ADGRV1: variants seen among roughly 807,000 people sequenced by gnomAD.
ADGRV1 encodes adhesion G protein-coupled receptor V1.
In ADGRV1, 359 loss-of-function variants were observed where a neutral mutation model predicts 596.2. That is an observed-to-expected ratio of 0.60 (90% CI 0.55 to 0.66). The LOEUF is 0.66. Among genes scored for constraint, ADGRV1 ranks in the 30% least tolerant of loss-of-function variants. The pLI is 0.00. For synonymous variants in ADGRV1, 2,681 were observed against 2,679.2 expected (o/e 1.00, Z -0.02); for missense variants, 7,274 against 7,575.6 (o/e 0.96, Z 1.48).
intron 21 of ADGRV1, among the ~76,000 whole-genome samples, chr5:90,659,857 C>A (rs1393526867): frequency 6.6e-6 from 1 of 151,868 alleles, no homozygotes; most frequent in Non-Finnish European, 1.5e-5. Context: ...ATGGTGAAAC[C>A]CCGTCTCTAC....
At chr5:90,937,267 G>A (rs1478541078) in intron 83 of ADGRV1, among the ~76,000 whole-genome samples, 1 of 151,622 alleles carries the variant, frequency 6.6e-6, no homozygotes, top group Non-Finnish European at 1.5e-5. Context: ...TCCTTCATTC[G>A]CTTTTTCTGG....
chr5:90,718,062 T>C (rs976739626), intron 43 of ADGRV1: 1 of 152,248 alleles, frequency 6.6e-6, no homozygotes, highest in Admixed American at 6.5e-5. Flanking sequence ...TTCACAGCAA[T>C]GTACAACCAT....
intron 85 of ADGRV1, chr5:91,031,272 C>A: frequency 6.3e-7 from 1 of 1,582,796 alleles, no homozygotes; most frequent in Non-Finnish European, 8.7e-7. Context: ...CCAAGGCCAG[C>A]CTGTTGTAAG....
chr5:90,653,231 C>A lies in ADGRV1; in HGVS notation c.3657C>A (p.Gly1219=). 1.2e-6 allele frequency: 2 copies of A among 1,610,382 alleles called. No individual in the cohort carries two copies. The highest frequency in any genetic ancestry group is 1.7e-6 in the Non-Finnish European group (2 of 1,177,468). The change falls in exon 20 of 90, where the codon GGC becomes GGA. Residue 1219 remains glycine (G), a synonymous_variant. Coordinates refer to ENST00000405460, the MANE Select transcript of ADGRV1 (RefSeq NM_032119.4). Reference sequence around the variant, plus strand: ...CAGGTGGATCCCCAGGTCCTGGGGGCCAGCTAGCAGAAACCAACCTCCAGG... The same window carrying A: ...CAGGTGGATCCCCAGGTCCTGGGGGACAGCTAGCAGAAACCAACCTCCAGG... ...NISGGSPGPG[G]QLAETNLQVT... is the part of the protein sequence containing the mutation.
intron 50 of ADGRV1, among the ~76,000 whole-genome samples, chr5:90,736,035 G>A (rs141222950): frequency 7.4e-4 from 112 of 152,222 alleles, no homozygotes; most frequent in Non-Finnish European, 1.2e-3. Flanking sequence ...ACAATAGTGG[G>A]CATCTTTGTC....
chr5:90,746,562 G>C (rs1754651509), intron 52 of ADGRV1, among the ~76,000 whole-genome samples: 1 of 152,176 alleles, frequency 6.6e-6, no homozygotes, highest in African/African-American at 2.4e-5. Context: ...TTCGGGGTTA[G>C]TTGGATACTC....
intron 45 of ADGRV1, among the ~76,000 whole-genome samples, chr5:90,721,559 A>AATAAG (rs1750996665): frequency 4.5e-5 from 1 of 22,446 alleles, no homozygotes; most frequent in Admixed American, 5.4e-4. Flanking sequence ...AATAAAATAA[A>AATAAG]ATAAAATAAA....
intron 59 of ADGRV1, among the ~76,000 whole-genome samples, chr5:90,763,959 C>A (rs1756799612): frequency 6.6e-6 from 1 of 152,136 alleles, no homozygotes; most frequent in African/African-American, 2.4e-5. Flanking sequence ...CCATACCCTT[C>A]CTATTGGGAA....
Position 90,617,918 on chromosome 5 carries a change from C to T in ADGRV1, c.322C>T (p.Pro108Ser). Reference sequence around the variant, plus strand: ...AGTATGTGATGATGACTTACCAGAGCCTGACGAAACTTTTATTTTTCACTT... The same window carrying T: ...AGTATGTGATGATGACTTACCAGAGTCTGACGAAACTTTTATTTTTCACTT... ...IAVCDDDLPE[P>S]DETFIFHLTL... The change falls in exon 3 of 90, where the codon CCT (proline) becomes TCT (serine). Residue 108 changes from proline to serine, a missense_variant. Physicochemically the swap from Pro to Ser is moderately conservative, Grantham distance 74. Around this residue, in one of 5 missense-constraint regions of ADGRV1, gnomAD observed 1,715 missense variants for 1,708.8 expected, o/e 1.00. Coordinates refer to ENST00000405460, the MANE Select transcript of ADGRV1 (RefSeq NM_032119.4). The T allele has an allele frequency of 6.3e-7, 1 of 1,587,152 alleles. No individual in the cohort carries two copies. Among genetic ancestry groups the T allele is most frequent in the South Asian group, 1.2e-5 (1 of 86,632 alleles).
At position 90,653,529 on chromosome 5, in the gene ADGRV1, C is replaced by G. The variant is rs372789540; in HGVS notation, c.3955C>G (p.Arg1319Gly). The G allele has an allele frequency of 1.2e-6, 2 of 1,613,818 alleles. No individual in the cohort carries two copies. Among genetic ancestry groups the G allele is most frequent in the South Asian group, 2.2e-5 (2 of 91,052 alleles). ...PTTVHLQQHM[R>G]RHHSGTDALY... ...CACCGTGCATTTACAACAGCACATG[C>G]GGCGTCACCACAGTGGAACGGATGC... Residue 1319 changes from arginine to glycine, a missense_variant, in exon 20 of 90, where the codon CGG (arginine) becomes GGG (glycine). By Grantham distance (125) the Arg-to-Gly change is moderately radical. Transcript: ENST00000405460.
intron 83 of ADGRV1, among the ~76,000 whole-genome samples, chr5:90,941,717 G>C (rs1274417597): frequency 6.6e-6 from 1 of 152,152 alleles, no homozygotes; most frequent in African/African-American, 2.4e-5. Flanking sequence ...CACCAGTTGA[G>C]TTCAGGTGCA....
In ADGRV1 at chr5:90,647,765, G is replaced by A. The variant is rs1221977534; in HGVS notation, c.3289+1G>A. Reference sequence around the variant, plus strand: ...TATATAATCCTCTTGAATTCAACAGGTAAGTAAATTATGCTTTTTTATGGC... The same window carrying A: ...TATATAATCCTCTTGAATTCAACAGATAAGTAAATTATGCTTTTTTATGGC... On this transcript the variant is annotated splice_donor_variant, in intron 17 of 89. Transcript: ENST00000405460. LOFTEE classifies it high-confidence loss of function. 6.2e-7 allele frequency: 1 copy of A among 1,609,084 alleles called. No individual in the cohort carries two copies. Among genetic ancestry groups the A allele is most frequent in the Non-Finnish European group, 8.5e-7 (1 of 1,177,036 alleles).
At chr5:90,713,716 T>C (rs2149729538) in intron 42 of ADGRV1, among the ~76,000 whole-genome samples, 1 of 152,240 alleles carries the variant, frequency 6.6e-6, no homozygotes, top group South Asian at 2.1e-4. Context: ...TTCTTCTGCA[T>C]TTCATATAAC....
At chr5:90,584,460 TTAAAA>T (rs1257134953) in intron 1 of ADGRV1, among the ~76,000 whole-genome samples, 1 of 152,252 alleles carries the variant, frequency 6.6e-6, no homozygotes, top group Non-Finnish European at 1.5e-5. Flanking sequence ...AATTAATGAC[TTAAAA>T]TAACCACTTG....
intron 84 of ADGRV1, among the ~76,000 whole-genome samples, chr5:90,970,562 A>AGCAATATTTGCTGTACT (rs558401638): frequency 7.9e-6 from 1 of 127,232 alleles, no homozygotes; most frequent in Non-Finnish European, 1.6e-5. Context: ...TTTGCTGTTC[A>AGCAATATTTGCTGTACT]GCAGCCTCTG....
intron 77 of ADGRV1, among the ~76,000 whole-genome samples, chr5:90,836,145 T>G (rs567132200): frequency 8.5e-5 from 13 of 152,154 alleles, no homozygotes; most frequent in Non-Finnish European, 1.6e-4. Context: ...GGATGCAAAA[T>G]GGTAAGCCAC....
intron 85 of ADGRV1, among the ~76,000 whole-genome samples, chr5:91,039,198 C>T (rs776660196): frequency 6.6e-6 from 1 of 152,150 alleles, no homozygotes; most frequent in Non-Finnish European, 1.5e-5. Context: ...AAATGTGTAG[C>T]TCATATAAGT....
intron 70 of ADGRV1, among the ~76,000 whole-genome samples, chr5:90,796,425 AG>A (rs1760719714): frequency 6.7e-6 from 1 of 148,842 alleles, no homozygotes; most frequent in Non-Finnish European, 1.5e-5. Flanking sequence ...ACGAGATTAG[AG>A]AAAAAAAAAA....
At position 90,627,743 on chromosome 5, in the gene ADGRV1, G is replaced by A; in HGVS notation, c.1205G>A (p.Arg402Lys). ...VLSFNSVLFE[R>K]TVIIDEDRIS... ...TCATTCAACAGTGTTTTGTTTGAAA[G>A]GACAGTTATAATTGATGAAGATAGA... The change falls in exon 7 of 90, where the codon AGG becomes AAG. Residue 402 changes from arginine to lysine, a missense_variant. Arg to Lys is a conservative substitution (Grantham distance 26). Around this residue, in one of 5 missense-constraint regions of ADGRV1, gnomAD observed 1,715 missense variants for 1,708.8 expected, o/e 1.00. Coordinates refer to ENST00000405460, the MANE Select transcript of ADGRV1 (RefSeq NM_032119.4). 1 of 1,578,764 alleles carries A rather than the reference G, an allele frequency of 6.3e-7. No homozygotes were observed. Among genetic ancestry groups the A allele is most frequent in the East Asian group, 2.3e-5 (1 of 44,438 alleles).
Sources: allele counts gnomAD v4.1 joint callset (sites outside exome capture counted in the v4.1 genomes callset), GRCh38; gene constraint gnomAD v4.1.1; regional missense constraint gnomAD v4.1.1; transcripts MANE v1.5; gene names NCBI Gene and HGNC (gene_info 2026-07-23, HGNC 2026-07-21).